WWC1: variants seen among roughly 807,000 people sequenced by gnomAD.
WWC1 encodes protein KIBRA.
WWC1 carries 55 observed loss-of-function variants against 138.4 expected under a neutral mutation model. The ratio of observed to expected loss-of-function variants is 0.40; its 90% CI spans 0.32 to 0.50. The LOEUF (loss-of-function observed/expected upper bound fraction) is 0.50. Ranked by LOEUF, WWC1 falls within the 20% of genes least tolerant of loss-of-function variation. The probability of loss-of-function intolerance (pLI) is 0.72; values close to 1 mark genes in which losing one functional copy is unlikely to be tolerated. For missense variants in WWC1, 1,226 were observed against 1,420.4 expected (o/e 0.86, Z 2.20); for synonymous variants, 524 against 564.9 (o/e 0.93, Z 1.03).
chr5:168,321,402 G>T (rs1002619903), intron 1 of WWC1, among the ~76,000 whole-genome samples: 6 of 152,214 alleles, frequency 3.9e-5, no homozygotes, highest in Admixed American at 1.3e-4. Flanking sequence ...AAGAACTTCT[G>T]CCTTTTTCTG....
chr5:168,324,024 A>G (rs1437967325), intron 1 of WWC1, among the ~76,000 whole-genome samples: 3 of 152,250 alleles, frequency 2.0e-5, no homozygotes, highest in Non-Finnish European at 4.4e-5. Flanking sequence ...CAACTTAACA[A>G]TTCTGTATCC....
At chr5:168,330,760 T>C (rs1214489899) in intron 1 of WWC1, among the ~76,000 whole-genome samples, 1 of 151,976 alleles carries the variant, frequency 6.6e-6, no homozygotes, top group East Asian at 1.9e-4. Context: ...CAGGCAGCAG[T>C]CGGGTTTGGG....
intron 3 of WWC1, among the ~76,000 whole-genome samples, chr5:168,396,753 A>G (rs950283745): frequency 1.3e-5 from 2 of 152,084 alleles, no homozygotes; most frequent in Non-Finnish European, 2.9e-5. Flanking sequence ...ATTCACTTTC[A>G]TAAGCCTTAA....
At chr5:168,382,496 T>G (rs1239780947) in intron 2 of WWC1, among the ~76,000 whole-genome samples, 1 of 152,184 alleles carries the variant, frequency 6.6e-6, no homozygotes, top group Admixed American at 6.5e-5. Flanking sequence ...GTTGCAAACT[T>G]TAAGAAACAT....
chr5:168,371,462 A>G lies in WWC1; in HGVS notation c.158A>G (p.Asp53Gly). The change falls in exon 2 of 23, where the codon GAT becomes GGT. Residue 53 changes from aspartate (D) to glycine (G), a missense_variant. Asp to Gly is a moderately conservative substitution (Grantham distance 94, BLOSUM62 -1). This residue lies in a region of WWC1 where 1,016 missense variants were observed against 1,153.9 expected (regional missense o/e 0.88). Transcript: ENST00000265293. ...KPLTFADCIS[D>G]ELPLGWEEAY... The stretch of plus-strand genomic sequence containing the variant: ...CTCACCTTTGCTGACTGCATTAGTG[A>G]TGAGTTGCCGCTAGGATGGGAAGAG... 1 of 1,614,032 alleles carries G rather than the reference A, an allele frequency of 6.2e-7. No individual in the cohort carries two copies. The highest frequency in any genetic ancestry group is 8.5e-7 in the Non-Finnish European group (1 of 1,179,978).
rs1352200835 is a variant in WWC1, at chr5:168,412,087, A to G, written c.941+2092A>G. On this transcript the variant is annotated intron_variant, in intron 8 of 22. Transcript: ENST00000265293. Reference sequence around the variant, plus strand: ...TTCTCTCTGAAGAGGACCACTCTGAACCTTGGATCTGTTCCATCCTGCAGG... The same window carrying G: ...TTCTCTCTGAAGAGGACCACTCTGAGCCTTGGATCTGTTCCATCCTGCAGG... 3.0e-6 allele frequency: 3 copies of G among 985,196 alleles called. No individual in the cohort carries two copies. The African/African-American group carries it at 5.2e-5, about 17-fold the overall frequency. The allele number at this position is 985,196 out of a possible 1,614,324, so 61.0% of individuals were successfully genotyped here.
intron 1 of WWC1, among the ~76,000 whole-genome samples, chr5:168,369,970 G>T (rs928829638): frequency 2.2e-5 from 3 of 135,484 alleles, no homozygotes; most frequent in Non-Finnish European, 3.1e-5. Flanking sequence ...GTGTGATCTC[G>T]GCTCAGTGCA....
At chr5:168,317,763 A>C (rs1026388727) in intron 1 of WWC1, among the ~76,000 whole-genome samples, 9 of 152,330 alleles carry the variant, frequency 5.9e-5, no homozygotes, top group African/African-American at 2.2e-4. Flanking sequence ...GGACTGGGAC[A>C]GTTTAGATCT....
At chr5:168,304,828 CTT>C (rs71310061) in intron 1 of WWC1, among the ~76,000 whole-genome samples, 29 of 141,528 alleles carry the variant, frequency 2.0e-4, no homozygotes, top group African/African-American at 3.1e-4. Flanking sequence ...AGCTTATGAA[CTT>C]TTTTTTTTTT....
intron 2 of WWC1, among the ~76,000 whole-genome samples, chr5:168,382,321 A>G (rs543581097): frequency 1.3e-5 from 2 of 152,228 alleles, no homozygotes; most frequent in Non-Finnish European, 2.9e-5. Context: ...TTCATGTATA[A>G]TCAGAAGGCA....
At chr5:168,354,648 A>T (rs181176029) in intron 1 of WWC1, among the ~76,000 whole-genome samples, 5 of 152,234 alleles carry the variant, frequency 3.3e-5, no homozygotes, top group Non-Finnish European at 7.4e-5. Flanking sequence ...CTGACTTGCC[A>T]GTCTAGACAT....
At position 168,311,158 on chromosome 5, in the gene WWC1, G is replaced by A. The variant is rs181292001; in HGVS notation, c.119+18887G>A. On this transcript the variant is annotated intron_variant, in intron 1 of 22. Transcript: ENST00000265293. Reference sequence around the variant, plus strand: ...TGCAGCTCACCAGCCCCACCTGTATGCATTGACTCCTCCCCTCCCCTCCCA... The same window carrying A: ...TGCAGCTCACCAGCCCCACCTGTATACATTGACTCCTCCCCTCCCCTCCCA... Among the ~76,000 whole-genome samples, 5 of 152,204 alleles carry A rather than the reference G, an allele frequency of 3.3e-5. No individual in the cohort carries two copies. In the East Asian group the frequency reaches 9.7e-4, roughly 29 times the overall value.
intron 1 of WWC1, among the ~76,000 whole-genome samples, chr5:168,339,048 T>C (rs1320903125): frequency 2.0e-5 from 3 of 152,344 alleles, no homozygotes; most frequent in East Asian, 3.9e-4. Flanking sequence ...TCACTATACA[T>C]TGTATGTATC....
At chr5:168,406,881 G>T (rs989392655) in intron 6 of WWC1, among the ~76,000 whole-genome samples, 1 of 152,298 alleles carries the variant, frequency 6.6e-6, no homozygotes, top group East Asian at 1.9e-4. Context: ...GGTGGAGCTT[G>T]CAGTGAGCCG....
At chr5:168,449,661 C>T (rs1369225815) in intron 17 of WWC1, among the ~76,000 whole-genome samples, 3 of 151,324 alleles carry the variant, frequency 2.0e-5, no homozygotes, top group Non-Finnish European at 2.9e-5. Flanking sequence ...GTGACCTCCA[C>T]CTCATGGGTT....
At chr5:168,323,809 A>G (rs1411123088) in intron 1 of WWC1, among the ~76,000 whole-genome samples, 5 of 152,322 alleles carry the variant, frequency 3.3e-5, no homozygotes, top group African/African-American at 9.6e-5. Context: ...TCATGTGGAA[A>G]ACTACACCTA....
chr5:168,449,545 C>T (rs1209430946), intron 17 of WWC1, among the ~76,000 whole-genome samples: 1 of 149,518 alleles, frequency 6.7e-6, no homozygotes, highest in African/African-American at 2.5e-5. Context: ...CCCTGTCTCC[C>T]TGTGTGTTCA....
intron 1 of WWC1, among the ~76,000 whole-genome samples, chr5:168,329,866 T>TTGGGAGGC: frequency 6.6e-6 from 1 of 152,296 alleles, no homozygotes; most frequent in East Asian, 1.9e-4. Flanking sequence ...TCCTAGCACT[T>TTGGGAGGC]TGGGAGGCTG....
At chr5:168,301,183 C>T (rs1023753306) in intron 1 of WWC1, among the ~76,000 whole-genome samples, 3 of 152,180 alleles carry the variant, frequency 2.0e-5, no homozygotes, top group African/African-American at 7.2e-5. Flanking sequence ...AGTCAAGTGA[C>T]AAGCTCATTT....
Sources: gnomAD v4.1 joint callset for allele counts (sites outside exome capture counted in the v4.1 genomes callset) on GRCh38, gnomAD v4.1.1 for gene constraint, gnomAD v4.1.1 regional missense constraint, MANE v1.5 for transcripts, NCBI Gene and HGNC (gene_info 2026-07-23, HGNC 2026-07-21) for gene names.